APC2: variants seen among roughly 807,000 people sequenced by gnomAD.
APC2 encodes the protein APC regulator of Wnt signaling pathway 2, also known as adenomatous polyposis coli protein 2.
Under a neutral mutation model 72.5 loss-of-function variants are expected in APC2, and 41 were observed. The observed-to-expected ratio is 0.57, with a 90% CI of 0.44 to 0.73. The LOEUF is 0.73. Among genes scored for constraint, APC2 ranks in the 30% least tolerant of loss-of-function variants. APC2 has a pLI of 0.00. For synonymous variants in APC2, 1,898 were observed against 1,612.0 expected (o/e 1.18, Z -4.25); for missense variants, 3,729 against 3,403.4 (o/e 1.10, Z -2.38).
In APC2 at chr19:1,467,457, G is replaced by A. The variant is rs1433067414; in HGVS notation, c.4156G>A (p.Asp1386Asn). ...GCCCGCCCCGGCCCCGGCCCAGGAG[G>A]ACGACTCCTGCACTGACTCCGCGGA... ...LVPAPAPAQE[D>N]DSCTDSAEGT... is the part of the protein sequence containing the mutation. Residue 1386 changes from aspartate to asparagine, a missense_variant, in exon 15 of 15, where the codon GAC (aspartate) becomes AAC (asparagine). Asp to Asn is a conservative substitution (Grantham distance 23). Coordinates refer to ENST00000590469, the MANE Select transcript of APC2 (RefSeq NM_005883.3). The A allele has an allele frequency of 3.4e-6, 5 of 1,471,730 alleles. No homozygotes were observed. Among genetic ancestry groups the A allele is most frequent in the South Asian group, 2.6e-5 (2 of 76,670 alleles). The allele number at this position is 1,471,730 out of a possible 1,614,324, so 91.2% of individuals were successfully genotyped here.
Position 1,470,390 on chromosome 19 carries a change from A to G in APC2, c.*177A>G, listed in dbSNP as rs1352135791. ...CGGCGACCTCGCGCCTCACCGGAAG[A>G]CCTTGCCTCTGTGCCGCGGAGGTCC... On this transcript the variant is annotated 3_prime_UTR_variant, in exon 15 of 15. Transcript: ENST00000590469. 3.2e-6 allele frequency: 3 copies of G among 950,918 alleles called. No homozygotes were observed. Among genetic ancestry groups the G allele is most frequent in the South Asian group, 1.9e-5 (1 of 53,330 alleles). 58.9% of individuals were successfully genotyped at this position (950,918 alleles called of 1,614,324 possible).
Position 1,466,601 on chromosome 19 carries a change from G to C in APC2, c.3300G>C (p.Leu1100=). Residue 1100 remains leucine (L), a synonymous_variant, in exon 15 of 15, where the codon CTG becomes CTC. Transcript: ENST00000590469. ...LDDSDSSLEG[L]EEAGPSEAEL... is the part of the protein sequence containing the mutation. ...ACAGTGACTCCTCCCTGGAGGGGCT[G>C]GAGGAGGCCGGCCCCAGCGAGGCTG... 1 of 1,549,216 alleles carries C rather than the reference G, an allele frequency of 6.5e-7. No individual in the cohort carries two copies. Among genetic ancestry groups the C allele is most frequent in the Non-Finnish European group, 8.7e-7 (1 of 1,153,332 alleles).
At position 1,467,168 on chromosome 19, in the gene APC2, G is replaced by A. The variant is rs1242715336; in HGVS notation, c.3867G>A (p.Gln1289=). ...TGGCCTTGCACGAGCACTACGTGCA[G>A]CAGGACGTGGAGCTGCGGCTGCTGC... ...SALALHEHYV[Q]QDVELRLLPS... is the part of the protein sequence containing the mutation. The change falls in exon 15 of 15, where the codon CAG becomes CAA. Residue 1289 remains glutamine (Q), a synonymous_variant. Coordinates refer to ENST00000590469, the MANE Select transcript of APC2 (RefSeq NM_005883.3). 8 of 1,540,008 alleles carry A rather than the reference G, an allele frequency of 5.2e-6. No individual in the cohort carries two copies. In the Admixed American group the frequency reaches 5.6e-5, roughly 11 times the overall value.
intron 6 of APC2, 22 bp from the exon 7 acceptor site, chr19:1,456,054 G>C: frequency 1.3e-6 from 2 of 1,540,714 alleles, no homozygotes; most frequent in Middle Eastern, 1.7e-4. Flanking sequence ...TCCAGCACTT[G>C]CCCTCGTGTG....
chr19:1,457,951 C>A lies in APC2; in HGVS notation c.1208-14C>A. 12 of 1,542,154 alleles carry A rather than the reference C, an allele frequency of 7.8e-6. No individual in the cohort carries two copies. The highest frequency in any genetic ancestry group is 1.0e-5 in the Non-Finnish European group (12 of 1,146,490). ...CTGGGAATGGGGGCTCTGATCTGGTCCCTGTGCCCACAGCCCCGATCCCCA... is the reference window on the plus strand; with the variant it reads ...CTGGGAATGGGGGCTCTGATCTGGTACCTGTGCCCACAGCCCCGATCCCCA... On this transcript the variant is annotated splice_polypyrimidine_tract_variant and intron_variant, in intron 9 of 14. Coordinates refer to ENST00000590469, the MANE Select transcript of APC2 (RefSeq NM_005883.3).
rs1569143298 is a variant in APC2, at chr19:1,455,517, G to GGTGGC, written c.639+19_639+23dup. 5 of 1,591,950 alleles carry GGTGGC rather than the reference G, an allele frequency of 3.1e-6. No individual in the cohort carries two copies. Among genetic ancestry groups the GGTGGC allele is most frequent in the Non-Finnish European group, 4.3e-6 (5 of 1,168,482 alleles). ...CGGGCACAGGTGCGGCGGTGGGCGG[G>GGTGGC]GTGGCGCGGCGGTAGGCGGGGCCCT... On this transcript the variant is annotated intron_variant, in intron 6 of 14. Transcript: ENST00000590469.
rs773251770 is a variant in APC2, at chr19:1,471,597, T to G, written c.*1384T>G. On this transcript the variant is annotated 3_prime_UTR_variant, in exon 15 of 15. Transcript: ENST00000590469. ...CAGAGGGAGCCGACGACCTCTTTTC[T>G]GCAGAAAAGCTCCAGCAGGCGCTGC... The G allele has an allele frequency of 2.6e-5, 4 of 152,214 alleles. No homozygotes were observed. Among genetic ancestry groups the G allele is most frequent in the East Asian group, 1.9e-4 (1 of 5,194 alleles). 9.4% of individuals were successfully genotyped at this position (152,214 alleles called of 1,614,324 possible).
chr19:1,460,972 A>G (rs2145212489), intron 12 of APC2, 65 bp from the exon 13 acceptor site: 3 of 1,599,982 alleles, frequency 1.9e-6, no homozygotes, highest in Non-Finnish European at 2.6e-6. Context: ...GCAGACTCAC[A>G]TTTGCTGGGG....
chr19:1,465,159 G>T lies in APC2; in HGVS notation c.1858G>T (p.Val620Leu). ...LVATREDYRQ[V>L]LRDHNCLQTL... is the part of the protein sequence containing the mutation. ...TAACCCGCCCTGTGCCTACAGGCAG[G>T]TGCTCCGGGATCACAACTGTCTGCA... Residue 620 changes from valine to leucine, a missense_variant, in exon 15 of 15, where the codon GTG becomes TTG. By Grantham distance (32) the Val-to-Leu change is conservative (BLOSUM62 1). Coordinates refer to ENST00000590469, the MANE Select transcript of APC2 (RefSeq NM_005883.3). 6.3e-7 allele frequency: 1 copy of T among 1,598,016 alleles called. No individual in the cohort carries two copies. Among genetic ancestry groups the T allele is most frequent in the East Asian group, 2.3e-5 (1 of 43,980 alleles).
Position 1,461,143 on chromosome 19 carries a change from G to A in APC2, c.1628G>A (p.Arg543Gln), listed in dbSNP as rs568333498. The A allele has an allele frequency of 8.8e-5, 142 of 1,610,440 alleles. No individual in the cohort carries two copies. Among genetic ancestry groups the A allele is most frequent in the Admixed American group, 4.3e-4 (26 of 60,024 alleles). ...SVTALVQCVL[R>Q]ATKESTLKSV... is the part of the protein sequence containing the mutation. ...ACTGCCCTGGTGCAGTGTGTCCTGC[G>A]GGCCACCAAGGTGGGCACCCGGTGG... is the stretch of plus-strand genomic sequence containing the variant. Residue 543 changes from arginine (R) to glutamine (Q), a missense_variant, in exon 13 of 15, where the codon CGG (arginine) becomes CAG (glutamine). Transcript: ENST00000590469.
chr19:1,457,260 G>C lies in APC2; in HGVS notation c.1207+17G>C. 1 of 1,502,688 alleles carries C rather than the reference G, an allele frequency of 6.7e-7. No individual in the cohort carries two copies. Among genetic ancestry groups the C allele is most frequent in the Non-Finnish European group, 8.8e-7 (1 of 1,131,724 alleles). 93.1% of individuals were successfully genotyped at this position (1,502,688 alleles called of 1,614,324 possible). On this transcript the variant is annotated intron_variant, in intron 9 of 14. Coordinates refer to ENST00000590469, the MANE Select transcript of APC2 (RefSeq NM_005883.3). ...CCGGCAGCGGTGAGTGCCTGGCCTG[G>C]TGGGCCCCCTCCGCGCAATTAACGT...
intron 10 of APC2, chr19:1,458,696 C>T (rs1016492047): frequency 1.3e-5 from 2 of 152,218 alleles, no homozygotes; most frequent in South Asian, 2.1e-4. Flanking sequence ...AGAGCCAGAC[C>T]CTGTCTCAAA....
In APC2 at chr19:1,466,488, G is replaced by A. The variant is rs1319965170; in HGVS notation, c.3187G>A (p.Gly1063Arg). ...ACTGCAGAAACTGGCGGCGCAAGAG[G>A]GGCCACTCTCGCTGTCCCGATGCAG... Reference protein sequence around the residue: ...KALQKLAAQEGPLSLSRCSSL... With the variant: ...KALQKLAAQERPLSLSRCSSL... The change falls in exon 15 of 15, where the codon GGG (glycine) becomes AGG (arginine). Residue 1063 changes from glycine to arginine, a missense_variant. Transcript: ENST00000590469. 1 of 1,597,898 alleles carries A rather than the reference G, an allele frequency of 6.3e-7. No individual in the cohort carries two copies. The highest frequency in any genetic ancestry group is 1.1e-5 in the South Asian group (1 of 90,912).
At chr19:1,457,895 C>CGGGGGGGGGGGGTTTGGGGGGGGGGGG (rs71174372) in intron 9 of APC2, 70 bp from the exon 10 acceptor site, 1 of 1,067,860 alleles carries the variant, frequency 9.4e-7, no homozygotes, top group Non-Finnish European at 1.2e-6. Context: ...GGGCGGGTTG[C>CGGGGGGGGGGGGTTTGGGGGGGGGGGG]GGGACCTTCG....
chr19:1,469,574 C>A lies in APC2; in HGVS notation c.6273C>A (p.Ala2091=), dbSNP rs113333497. ...GCCTGCCTGTGCGCGCGCCCGCCGC[C>A]CGGCCGGAGACTGTCAAGCGCTACG... ...PSRLPVRAPA[A]RPETVKRYAS... is the part of the protein sequence containing the mutation. Residue 2091 remains alanine (A), a synonymous_variant, in exon 15 of 15, where the codon GCC becomes GCA. Coordinates refer to ENST00000590469, the MANE Select transcript of APC2 (RefSeq NM_005883.3). 5.6e-6 allele frequency: 7 copies of A among 1,250,504 alleles called. No individual in the cohort carries two copies. In the African/African-American group the frequency reaches 8.0e-5, roughly 14 times the overall value. The allele number at this position is 1,250,504 out of a possible 1,614,324, so 77.5% of individuals were successfully genotyped here.
intron 14 of APC2, among the ~76,000 whole-genome samples, chr19:1,462,503 A>C (rs1430117872): frequency 1.3e-5 from 2 of 151,410 alleles, no homozygotes; most frequent in Non-Finnish European, 1.5e-5. Context: ...TAAAAATATA[A>C]AATTAGCCAG....
chr19:1,458,841 A>G (rs1314713100), intron 10 of APC2, among the ~76,000 whole-genome samples: 1 of 151,684 alleles, frequency 6.6e-6, no homozygotes, highest in Non-Finnish European at 1.5e-5. Context: ...CCGCCCCCAC[A>G]CCTGACTAAT....
chr19:1,469,968 C>G lies in APC2; in HGVS notation c.6667C>G (p.Leu2223Val), dbSNP rs1193775846. The change falls in exon 15 of 15, where the codon CTC (leucine) becomes GTC (valine). Residue 2223 changes from leucine to valine, a missense_variant. Leu to Val is a conservative substitution (Grantham distance 32). Transcript: ENST00000590469. ...EPPGAPAGGQ[L>V]SLLGSDVDGP... is the part of the protein sequence containing the mutation. ...CCCCGGGGCCCCCGCCGGCGGCCAG[C>G]TCTCCCTCCTCGGCAGCGACGTGGA... 6.6e-7 allele frequency: 1 copy of G among 1,520,114 alleles called. No individual in the cohort carries two copies. Among genetic ancestry groups the G allele is most frequent in the Non-Finnish European group, 8.8e-7 (1 of 1,139,728 alleles). The allele number at this position is 1,520,114 out of a possible 1,614,324, so 94.2% of individuals were successfully genotyped here.
intron 1 of APC2, chr19:1,451,226 G>A (rs2083738765): frequency 6.6e-6 from 1 of 152,660 alleles, no homozygotes; most frequent in Non-Finnish European, 1.5e-5. Context: ...CCGAATGTGG[G>A]GAGAGGGAAG....
Sources: gnomAD v4.1 joint callset for allele counts (sites outside exome capture counted in the v4.1 genomes callset) on GRCh38, gnomAD v4.1.1 for gene constraint, MANE v1.5 for transcripts, NCBI Gene and HGNC (gene_info 2026-07-23, HGNC 2026-07-21) for gene names.